USP8: variants seen among roughly 807,000 people sequenced by gnomAD.
USP8 encodes the protein ubiquitin carboxyl-terminal hydrolase 8.
USP8 carries 27 observed loss-of-function variants against 130.0 expected under a neutral mutation model. That is an observed-to-expected ratio of 0.21 (90% confidence interval 0.15 to 0.29). USP8 has a LOEUF of 0.29. Ranked by LOEUF, USP8 falls within the 10% of genes least tolerant of loss-of-function variation. The probability of loss-of-function intolerance (pLI) is 1.00; values close to 1 mark genes in which losing one functional copy is unlikely to be tolerated. For synonymous variants in USP8, 392 were observed against 444.1 expected (o/e 0.88, Z 1.48); for missense variants, 1,029 against 1,312.2 (o/e 0.78, Z 3.33).
At chr15:50,482,189 G>A (rs1434025880) in intron 11 of USP8, 124 bp downstream of exon 11, 17 of 828,198 alleles carry the variant, frequency 2.1e-5, no homozygotes, top group Admixed American at 3.5e-5. Flanking sequence ...GTGATAGAAT[G>A]TACTGATCTA....
rs527657343 is a variant in USP8 at position 50,430,579 on chromosome 15, A to AT, written c.-66+6075dup. ...TGCCCTGCTAATTTTTTATTTTTTT[A>AT]TTTTTTTTTTGTAGTGATAAGGTCT... On this transcript the variant is annotated intron_variant, in intron 1 of 19. Coordinates refer to ENST00000307179, the MANE Select transcript of USP8 (RefSeq NM_005154.5). Among the ~76,000 whole-genome samples the AT allele has an allele frequency of 5.8e-3, 856 of 147,920 alleles. 7 individuals carry two copies. The highest frequency in any genetic ancestry group is 8.5e-3 in the Non-Finnish European group (569 of 66,626).
chr15:50,484,197 G>A (rs898290516), intron 11 of USP8, 78 bp from the exon 12 acceptor site: 3 of 1,113,266 alleles, frequency 2.7e-6, no homozygotes, highest in Non-Finnish European at 3.8e-6. Flanking sequence ...CATAGATTCG[G>A]TTGTGTTAGC....
Position 50,510,281 on chromosome 15 carries a change from T to C in USP8, c.*11193T>C, listed in dbSNP as rs1048723595. On this transcript the variant is annotated 3_prime_UTR_variant, in exon 20 of 20. Coordinates refer to ENST00000307179, the MANE Select transcript of USP8 (RefSeq NM_005154.5). ...AAACAATTTAAATGTTTGGAAGATA[T>C]GTAGGTAAATATCTTTGTAATTCCA... 1 of 152,200 alleles carries C rather than the reference T, an allele frequency of 6.6e-6. No individual in the cohort carries two copies. Among genetic ancestry groups the C allele is most frequent in the African/African-American group, 2.4e-5 (1 of 41,454 alleles). 9.4% of individuals were successfully genotyped at this position (152,200 alleles called of 1,614,324 possible). A position where few individuals can be genotyped will look rare whatever the true frequency, so the allele number is the denominator to read the frequency against.
chr15:50,497,240 G>A lies in USP8; in HGVS notation c.3038+9G>A. ...TTAGTGCATCTGAAACGGTAAAGGG[G>A]AAAGTTTGTCCTCCTGTTCAGTGAA... On this transcript the variant is annotated intron_variant, in intron 18 of 19. Coordinates refer to ENST00000307179, the MANE Select transcript of USP8 (RefSeq NM_005154.5). 5 of 1,595,222 alleles carry A rather than the reference G, an allele frequency of 3.1e-6. No individual in the cohort carries two copies. The highest frequency in any genetic ancestry group is 4.3e-6 in the Non-Finnish European group (5 of 1,174,394).
At chr15:50,458,007 A>G (rs995799257) in intron 4 of USP8, among the ~76,000 whole-genome samples, 9 of 151,802 alleles carry the variant, frequency 5.9e-5, no homozygotes, top group Admixed American at 2.6e-4. Context: ...TTTTTCCTTT[A>G]CATCTGTTTT....
chr15:50,502,153 G>C lies in USP8; in HGVS notation c.*3065G>C, dbSNP rs897910322. On this transcript the variant is annotated 3_prime_UTR_variant, in exon 20 of 20. Coordinates refer to ENST00000307179, the MANE Select transcript of USP8 (RefSeq NM_005154.5). ...GATGGAGTCTCTCTCTGTTGCCCAG[G>C]CTGGAATGCAGTGGCACGATCTCGG... The C allele has an allele frequency of 6.6e-6, 1 of 152,272 alleles. No individual in the cohort carries two copies. The highest frequency in any genetic ancestry group is 2.4e-5 in the African/African-American group (1 of 41,422). 9.4% of individuals were successfully genotyped at this position (152,272 alleles called of 1,614,324 possible). A position where few individuals can be genotyped will look rare whatever the true frequency, so the allele number is the denominator to read the frequency against.
intron 7 of USP8, among the ~76,000 whole-genome samples, chr15:50,467,888 T>G (rs1314588324): frequency 1.3e-5 from 2 of 151,586 alleles, no homozygotes; most frequent in African/African-American, 4.8e-5. Flanking sequence ...GCTTTTTATT[T>G]TATTGTATTT....
At chr15:50,488,917 T>C (rs963578164) in intron 12 of USP8, among the ~76,000 whole-genome samples, 8 of 151,934 alleles carry the variant, frequency 5.3e-5, no homozygotes, top group Non-Finnish European at 2.9e-5. Flanking sequence ...ACGGGGTCTG[T>C]GTTGCCCAGG....
chr15:50,461,645 G>C (rs950159418), intron 5 of USP8, among the ~76,000 whole-genome samples: 1 of 152,068 alleles, frequency 6.6e-6, no homozygotes, highest in African/African-American at 2.4e-5. Context: ...ACAAGGTCAA[G>C]AGATCAAGAC....
intron 1 of USP8, among the ~76,000 whole-genome samples, chr15:50,435,582 C>T (rs1200597903): frequency 6.6e-6 from 1 of 152,164 alleles, no homozygotes; most frequent in African/African-American, 2.4e-5. Flanking sequence ...ATACCCTTTA[C>T]CTTCTGTTTG....
chr15:50,461,478 G>T (rs1438568237), intron 5 of USP8, among the ~76,000 whole-genome samples: 2 of 142,692 alleles, frequency 1.4e-5, no homozygotes, highest in East Asian at 2.0e-4. Context: ...AAAAAAAAAG[G>T]TCTAAGTGGG....
intron 8 of USP8, among the ~76,000 whole-genome samples, chr15:50,475,248 A>G (rs562086058): frequency 3.9e-5 from 6 of 152,352 alleles, no homozygotes; most frequent in East Asian, 1.9e-4. Context: ...AAAATTGCAA[A>G]TAACTATAGA....
intron 4 of USP8, among the ~76,000 whole-genome samples, chr15:50,450,185 C>T (rs1004426147): frequency 1.3e-5 from 2 of 151,638 alleles, no homozygotes; most frequent in East Asian, 3.9e-4. Context: ...GTGAGCCACC[C>T]GGCCCCAATA....
At chr15:50,472,997 C>T (rs1319185040) in intron 8 of USP8, among the ~76,000 whole-genome samples, 4 of 152,048 alleles carry the variant, frequency 2.6e-5, no homozygotes, top group Admixed American at 1.3e-4. Flanking sequence ...ACCTAAAATC[C>T]AAAGAGCTTC....
chr15:50,444,273 T>A (rs1255790143), intron 3 of USP8, among the ~76,000 whole-genome samples: 1 of 151,714 alleles, frequency 6.6e-6, no homozygotes, highest in Non-Finnish European at 1.5e-5. Flanking sequence ...CTGGCCTAAT[T>A]TTTGTATTTT....
chr15:50,491,624 TA>T (rs1179981344), intron 14 of USP8, among the ~76,000 whole-genome samples: 3 of 152,318 alleles, frequency 2.0e-5, no homozygotes, highest in South Asian at 2.1e-4. Flanking sequence ...GTATTACTTT[TA>T]GGGGTGGAAG....
At chr15:50,495,486 A>AGG (rs553634288) in intron 16 of USP8, among the ~76,000 whole-genome samples, 1,390 of 106,828 alleles carry the variant, frequency 0.013, 18 homozygotes, top group Middle Eastern at 0.051. Context: ...TAGAGATTGG[A>AGG]GGGGGGGGTC....
At position 50,510,811 on chromosome 15, in the gene USP8, C is replaced by G. The variant is rs1337966409; in HGVS notation, c.*11723C>G. The G allele has an allele frequency of 6.6e-6, 1 of 151,950 alleles. No homozygotes were observed. Among genetic ancestry groups the G allele is most frequent in the Non-Finnish European group, 1.5e-5 (1 of 68,064 alleles). The allele number at this position is 151,950 out of a possible 1,614,324, so 9.4% of individuals were successfully genotyped here. ...TTTTTTTTAGAGATGGAGTCTCGCT[C>G]TGTCTCCCAGGCTGGAGTGCAGTGG... On this transcript the variant is annotated 3_prime_UTR_variant, in exon 20 of 20. Transcript: ENST00000307179.
intron 15 of USP8, 120 bp from the exon 16 acceptor site, chr15:50,493,950 G>A: frequency 9.0e-7 from 1 of 1,115,266 alleles, no homozygotes; most frequent in Non-Finnish European, 1.4e-6. Context: ...AAATAAATAA[G>A]TAGTTTAATG....
Sources: allele counts gnomAD v4.1 joint callset (sites outside exome capture counted in the v4.1 genomes callset), GRCh38; gene constraint gnomAD v4.1.1; transcripts MANE v1.5; gene names NCBI Gene and HGNC (gene_info 2026-07-23, HGNC 2026-07-21).